CIBAR2: variants seen among roughly 807,000 people sequenced by gnomAD.
CIBAR2 encodes CBY1 interacting BAR domain containing 2.
Under a neutral mutation model 36.2 loss-of-function variants are expected in CIBAR2, and 38 were observed. The observed-to-expected ratio is 1.05, with a 90% CI of 0.81 to 1.38. CIBAR2 has a LOEUF of 1.38. Ranked by LOEUF, CIBAR2 falls within the 40% of genes most tolerant of loss-of-function variation. The probability of loss-of-function intolerance (pLI) is 0.00; values close to 1 mark genes in which losing one functional copy is unlikely to be tolerated. For synonymous variants in CIBAR2, 182 were observed against 149.5 expected (o/e 1.22, Z -1.58); for missense variants, 481 against 383.4 (o/e 1.25, Z -2.13).
chr16:85,101,543 G>A (rs556675165), intron 7 of CIBAR2, among the ~76,000 whole-genome samples: 1 of 152,216 alleles, frequency 6.6e-6, no homozygotes, highest in African/African-American at 2.4e-5. Flanking sequence ...TACAGATAAC[G>A]CAAACAGCTC....
intron 6 of CIBAR2, among the ~76,000 whole-genome samples, chr16:85,103,059 G>A (rs1272759999): frequency 1.3e-5 from 2 of 152,038 alleles, no homozygotes; most frequent in African/African-American, 4.8e-5. Flanking sequence ...GTGCCACCAC[G>A]CCTGGCTAAT....
chr16:85,106,750 C>T (rs941489925), intron 5 of CIBAR2, among the ~76,000 whole-genome samples: 1 of 152,212 alleles, frequency 6.6e-6, no homozygotes, highest in Non-Finnish European at 1.5e-5. Flanking sequence ...CGTCATTTTT[C>T]ACAACAGTGG....
intron 2 of CIBAR2, among the ~76,000 whole-genome samples, chr16:85,108,308 G>A (rs144803746): frequency 4.5e-4 from 69 of 152,308 alleles, no homozygotes; most frequent in African/African-American, 1.2e-3. Context: ...CTCCAGCAAC[G>A]CATTCAGTCT....
At chr16:85,103,507 C>G (rs971690649) in intron 6 of CIBAR2, among the ~76,000 whole-genome samples, 1 of 152,204 alleles carries the variant, frequency 6.6e-6, no homozygotes, top group African/African-American at 2.4e-5. Flanking sequence ...AATCCCAGAA[C>G]TTGAAAGCAC....
chr16:85,111,238 G>A (rs1403883766), intron 1 of CIBAR2, among the ~76,000 whole-genome samples: 4 of 152,148 alleles, frequency 2.6e-5, no homozygotes, highest in African/African-American at 9.7e-5. Context: ...AACGCCCTGA[G>A]GAGCAGCCCT....
chr16:85,098,595 G>A lies in CIBAR2; in HGVS notation c.*590C>T. 2.0e-6 allele frequency: 2 copies of A among 986,040 alleles called. No individual in the cohort carries two copies. Among genetic ancestry groups the A allele is most frequent in the Non-Finnish European group, 2.4e-6 (2 of 830,058 alleles). The allele number at this position is 986,040 out of a possible 1,614,324, so 61.1% of individuals were successfully genotyped here. A position where few individuals can be genotyped will look rare whatever the true frequency, so the allele number is the denominator to read the frequency against. On this transcript the variant is annotated 3_prime_UTR_variant, in exon 9 of 9. Transcript: ENST00000539556. ...TATGGGGTCCCTGCCCCAGTGCCCTGAGGTCCTCCACGGGGGCCTCCTCCA... is the reference window on the plus strand; with the variant it reads ...TATGGGGTCCCTGCCCCAGTGCCCTAAGGTCCTCCACGGGGGCCTCCTCCA...
Position 85,108,042 on chromosome 16 carries a change from T to C in CIBAR2, c.313A>G (p.Lys105Glu). The change falls in exon 3 of 9, where the codon AAG (lysine) becomes GAG (glutamate). Residue 105 changes from lysine (K) to glutamate (E), a missense_variant. Lys to Glu is a moderately conservative substitution (Grantham distance 56, BLOSUM62 1). Coordinates refer to ENST00000539556, the MANE Select transcript of CIBAR2 (RefSeq NM_198491.3). ...NPLKLYGAQIKQTRAEIKKFK... is the reference protein window; with the variant it reads ...NPLKLYGAQIEQTRAEIKKFK... ...GTGCCCCGGCTCACCCGTGTCTGCT[T>C]GATCTGTGCCCCGTAGAGCTTCAGG... 6.2e-7 allele frequency: 1 copy of C among 1,613,782 alleles called. No homozygotes were observed. The highest frequency in any genetic ancestry group is 8.5e-7 in the Non-Finnish European group (1 of 1,179,808).
At chr16:85,110,151 C>A (rs1324711138) in intron 2 of CIBAR2, 75 bp downstream of exon 2, 3 of 1,153,072 alleles carry the variant, frequency 2.6e-6, no homozygotes, top group African/African-American at 3.1e-5. Flanking sequence ...AGGGCTCCTG[C>A]AGCCCTCAGG....
Position 85,109,905 on chromosome 16 carries a change from C to T in CIBAR2, c.255+321G>A, listed in dbSNP as rs554386110. Among the ~76,000 whole-genome samples the T allele has an allele frequency of 7.4e-4, 112 of 152,272 alleles. 1 individual carries two copies. The highest frequency in any genetic ancestry group is 1.8e-4 in the Non-Finnish European group (12 of 68,026). On this transcript the variant is annotated intron_variant, in intron 2 of 8. Coordinates refer to ENST00000539556, the MANE Select transcript of CIBAR2 (RefSeq NM_198491.3). ...AGCCTCCTTGCCCCTGACTCCCCACCAGGATTTCTGTTCCTTCCCGAGGCC... is the reference window on the plus strand; with the variant it reads ...AGCCTCCTTGCCCCTGACTCCCCACTAGGATTTCTGTTCCTTCCCGAGGCC...
intron 8 of CIBAR2, among the ~76,000 whole-genome samples, chr16:85,099,797 C>CTTTTTTTTTTTTTTT (rs71386075): frequency 1.3e-5 from 1 of 77,532 alleles, no homozygotes; most frequent in Non-Finnish European, 2.4e-5. Flanking sequence ...CTAATTTTTG[C>CTTTTTTTTTTTTTTT]TTTTTTTTTT....
In CIBAR2 at chr16:85,102,330, G is replaced by A; in HGVS notation, c.538-3C>T. The A allele has an allele frequency of 1.9e-6, 3 of 1,572,898 alleles. No homozygotes were observed. The highest frequency in any genetic ancestry group is 2.6e-6 in the Non-Finnish European group (3 of 1,142,682). On this transcript the variant is annotated splice_polypyrimidine_tract_variant and splice_region_variant and intron_variant, in intron 6 of 8. Transcript: ENST00000539556. ...GTTACAAAGTCACAAAAAAATTTCT[G>A]TGGGGAGAGAAACCCAAAGAATGTA...
Position 85,112,374 on chromosome 16 carries a change from C to A in CIBAR2, c.-22G>T. On this transcript the variant is annotated 5_prime_UTR_variant, in exon 1 of 9. Coordinates refer to ENST00000539556, the MANE Select transcript of CIBAR2 (RefSeq NM_198491.3). ...TCATTGTGACCAGAGCTTTGGCTGTCCCGGTGCTGGGGAATAAGGACAGGG... is the reference window on the plus strand; with the variant it reads ...TCATTGTGACCAGAGCTTTGGCTGTACCGGTGCTGGGGAATAAGGACAGGG... 2 of 1,613,344 alleles carry A rather than the reference C, an allele frequency of 1.2e-6. No individual in the cohort carries two copies. Among genetic ancestry groups the A allele is most frequent in the Non-Finnish European group, 1.7e-6 (2 of 1,179,392 alleles).
intron 5 of CIBAR2, 96 bp downstream of exon 5, chr16:85,107,571 T>A: frequency 7.3e-7 from 1 of 1,369,410 alleles, no homozygotes; most frequent in Non-Finnish European, 1.0e-6. Flanking sequence ...TGCACACACC[T>A]GCTTCAGACC....
rs1323350769 is a variant in CIBAR2 at position 85,110,330 on chromosome 16, T to A, written c.151A>T (p.Lys51Ter). The A allele has an allele frequency of 2.5e-6, 4 of 1,612,926 alleles. No individual in the cohort carries two copies. In the South Asian group the frequency reaches 4.4e-5, roughly 18 times the overall value. ...GAGTTGGCAAAGTCGATGAGCTGCT[T>A]GACCAGCTGGTCCGCCTTGTCCCGC... ...RLRDKADQLV[K>*]QLIDFANSEN... The change falls in exon 2 of 9, where the codon AAG becomes TAG. Residue 51 changes from lysine (K) to a stop codon, truncating the protein, a stop_gained. Transcript: ENST00000539556. LOFTEE classifies it high-confidence loss of function.
At chr16:85,111,036 G>T (rs1321418568) in intron 1 of CIBAR2, among the ~76,000 whole-genome samples, 1 of 151,888 alleles carries the variant, frequency 6.6e-6, no homozygotes, top group African/African-American at 2.4e-5. Flanking sequence ...CCAATCCGGC[G>T]CCCCCCTGCA....
intron 6 of CIBAR2, among the ~76,000 whole-genome samples, chr16:85,102,780 T>G (rs1442633933): frequency 1.3e-5 from 2 of 152,196 alleles, no homozygotes; most frequent in East Asian, 3.9e-4. Flanking sequence ...GTTGAGAAGT[T>G]TCTGTGTATT....
chr16:85,104,648 G>A lies in CIBAR2; in HGVS notation c.537+679C>T, dbSNP rs113243293. Among the ~76,000 whole-genome samples, 1,453 of 152,216 alleles carry A rather than the reference G, an allele frequency of 9.5e-3. 25 individuals carry two copies. The highest frequency in any genetic ancestry group is 0.033 in the African/African-American group (1,386 of 41,530). ...GGAGAATCACTTAAACCCGGGAGGC[G>A]AAGGTTGCAGTGAGTGGAGATCATA... On this transcript the variant is annotated intron_variant, in intron 6 of 8. Transcript: ENST00000539556.
At chr16:85,111,594 C>G (rs1184842514) in intron 1 of CIBAR2, among the ~76,000 whole-genome samples, 1 of 152,212 alleles carries the variant, frequency 6.6e-6, no homozygotes, top group Non-Finnish European at 1.5e-5. Context: ...GCCTGTCATC[C>G]CAGCTCTTTG....
intron 1 of CIBAR2, 55 bp from the exon 2 acceptor site, chr16:85,110,515 C>T (rs2144179250): frequency 7.3e-7 from 1 of 1,362,702 alleles, no homozygotes; most frequent in East Asian, 2.4e-5. Context: ...GGGCCCCGGT[C>T]ATGCCAAGAG....
Sources: gnomAD v4.1 joint callset for allele counts (sites outside exome capture counted in the v4.1 genomes callset) on GRCh38, gnomAD v4.1.1 for gene constraint, MANE v1.5 for transcripts, NCBI Gene and HGNC (gene_info 2026-07-23, HGNC 2026-07-21) for gene names.